SPAG16: variants seen among roughly 807,000 people sequenced by gnomAD.
SPAG16 encodes the protein sperm-associated antigen 16 protein.
In SPAG16, 86 loss-of-function variants were observed where a neutral mutation model predicts 80.4. The observed-to-expected ratio is 1.07, with a 90% confidence interval of 0.90 to 1.28. The LOEUF is 1.28. Among genes scored for constraint, SPAG16 ranks in the 50% most tolerant of loss-of-function variants. The pLI is 0.00. For missense variants in SPAG16, 870 were observed against 765.3 expected (o/e 1.14, Z -1.61); for synonymous variants, 294 against 265.9 (o/e 1.11, Z -1.03).
At chr2:214,244,630 A>C (rs1006395699) in intron 15 of SPAG16, among the ~76,000 whole-genome samples, 1 of 152,092 alleles carries the variant, frequency 6.6e-6, no homozygotes, top group Non-Finnish European at 1.5e-5. Context: ...TTTGGAATGT[A>C]ATTAAAATTA....
chr2:213,328,659 A>G (rs1057302453), intron 5 of SPAG16, among the ~76,000 whole-genome samples: 1 of 152,026 alleles, frequency 6.6e-6, no homozygotes, highest in African/African-American at 2.4e-5. Context: ...AGGAATGAGG[A>G]CTTTTCCTGT....
rs541877564 is a variant in SPAG16 at position 213,903,511 on chromosome 2, G to A, written c.1215-26449G>A. 1.7e-4 allele frequency among the ~76,000 whole-genome samples: 26 copies of A among 152,254 alleles called. 2 individuals carry two copies. The highest frequency in any genetic ancestry group is 6.0e-4 in the African/African-American group (25 of 41,552). ...GCAGCTGGAACAGCTGGGATGCAGG[G>A]CACCGAGTCCCTAGACTGCAAACAG... On this transcript the variant is annotated intron_variant, in intron 11 of 15. Coordinates refer to ENST00000331683, the MANE Select transcript of SPAG16 (RefSeq NM_024532.5).
intron 15 of SPAG16, among the ~76,000 whole-genome samples, chr2:214,168,736 C>T (rs62197912): frequency 0.24 from 36,391 of 151,900 alleles, 4,881 homozygotes; most frequent in South Asian, 0.32. Flanking sequence ...CAGAGGTCCA[C>T]GTGATTAGAG....
At chr2:214,291,300 C>CTTTTTTTTTTTTTTTTTTTTTTT (rs56771172) in intron 15 of SPAG16, among the ~76,000 whole-genome samples, 1 of 80,484 alleles carries the variant, frequency 1.2e-5, no homozygotes, top group Non-Finnish European at 2.1e-5. Context: ...GATCATGTTT[C>CTTTTTTTTTTTTTTTTTTTTTTT]TTTTTTTTTT....
chr2:214,132,771 A>G (rs1200819107), intron 14 of SPAG16, among the ~76,000 whole-genome samples: 5 of 152,188 alleles, frequency 3.3e-5, no homozygotes, highest in African/African-American at 9.7e-5. Context: ...AGGCAGGTCA[A>G]ATTTACATTT....
chr2:214,292,448 G>T (rs867449127), intron 15 of SPAG16, among the ~76,000 whole-genome samples: 4 of 151,810 alleles, frequency 2.6e-5, no homozygotes, highest in Admixed American at 6.6e-5. Flanking sequence ...GTTTATTATT[G>T]AAGCTTTCAG....
chr2:214,300,112 G>A (rs1694442202), intron 15 of SPAG16, among the ~76,000 whole-genome samples: 1 of 152,020 alleles, frequency 6.6e-6, no homozygotes, highest in Non-Finnish European at 1.5e-5. Flanking sequence ...TTGAACTTAT[G>A]TAAATAATTA....
chr2:213,839,683 C>A (rs1389212133), intron 10 of SPAG16, among the ~76,000 whole-genome samples: 1 of 152,070 alleles, frequency 6.6e-6, no homozygotes, highest in African/African-American at 2.4e-5. Context: ...TGGAATGTGA[C>A]ATTATTGTTG....
chr2:213,895,611 G>A (rs2076963408), intron 11 of SPAG16, among the ~76,000 whole-genome samples: 1 of 152,090 alleles, frequency 6.6e-6, no homozygotes, highest in African/African-American at 2.4e-5. Context: ...CCGTGCATTT[G>A]CATCCAACTC....
Position 213,900,365 on chromosome 2 carries a change from G to A in SPAG16, c.1215-29595G>A, listed in dbSNP as rs141556804. ...CTCGAGAATCATTTACCAATATCTC[G>A]GAACGACTGTGATTATACAAAACAC... is the stretch of plus-strand genomic sequence containing the variant. On this transcript the variant is annotated intron_variant, in intron 11 of 15. Coordinates refer to ENST00000331683, the MANE Select transcript of SPAG16 (RefSeq NM_024532.5). Among the ~76,000 whole-genome samples the A allele has an allele frequency of 4.7e-3, 708 of 152,068 alleles. 5 individuals are homozygous for A. Among genetic ancestry groups the A allele is most frequent in the African/African-American group, 0.016 (669 of 41,492 alleles).
intron 10 of SPAG16, among the ~76,000 whole-genome samples, chr2:213,521,131 C>T (rs1393533152): frequency 6.6e-6 from 1 of 152,132 alleles, no homozygotes; most frequent in Non-Finnish European, 1.5e-5. Flanking sequence ...GTGTTGATGG[C>T]ATCTTTTCAG....
At chr2:213,605,026 TC>T (rs1192949856) in intron 10 of SPAG16, among the ~76,000 whole-genome samples, 5 of 151,158 alleles carry the variant, frequency 3.3e-5, no homozygotes, top group African/African-American at 9.7e-5. Context: ...AAATCTCTTT[TC>T]CTTTCTCTCT....
intron 13 of SPAG16, among the ~76,000 whole-genome samples, chr2:214,022,584 A>G (rs1348932197): frequency 1.3e-5 from 2 of 152,068 alleles, no homozygotes; most frequent in African/African-American, 2.4e-5. Context: ...TTGTTTAGTT[A>G]TATTTTGCTC....
At position 213,350,516 on chromosome 2, in the gene SPAG16, T is replaced by C; in HGVS notation, c.645-12T>C. 1 of 1,475,078 alleles carries C rather than the reference T, an allele frequency of 6.8e-7. No individual in the cohort carries two copies. Among genetic ancestry groups the C allele is most frequent in the East Asian group, 2.3e-5 (1 of 42,576 alleles). 91.4% of individuals were successfully genotyped at this position (1,475,078 alleles called of 1,614,324 possible). On this transcript the variant is annotated splice_polypyrimidine_tract_variant and intron_variant, in intron 6 of 15. Coordinates refer to ENST00000331683, the MANE Select transcript of SPAG16 (RefSeq NM_024532.5). ...TAACCCCTTAAGATGCTATTGACTT[T>C]ATTTTTTATAGGTTGAAGTTACATT...
chr2:213,422,771 G>T (rs2069676615), intron 9 of SPAG16, among the ~76,000 whole-genome samples: 1 of 152,194 alleles, frequency 6.6e-6, no homozygotes, highest in African/African-American at 2.4e-5. Flanking sequence ...GGAATTAATG[G>T]TTCCTCTAGA....
intron 11 of SPAG16, among the ~76,000 whole-genome samples, chr2:213,918,285 A>T (rs1327596768): frequency 2.6e-5 from 4 of 152,168 alleles, no homozygotes; most frequent in African/African-American, 7.2e-5. Context: ...GGCCTCATAA[A>T]ATGAGTTGAG....
chr2:214,113,200 T>C (rs927372121), intron 14 of SPAG16, among the ~76,000 whole-genome samples: 5 of 152,246 alleles, frequency 3.3e-5, no homozygotes, highest in Non-Finnish European at 5.9e-5. Flanking sequence ...GTTAGTCTGA[T>C]GGGCTTCCCT....
intron 1 of SPAG16, 123 bp downstream of exon 1, chr2:213,284,742 G>A: frequency 7.4e-7 from 1 of 1,351,166 alleles, no homozygotes; most frequent in South Asian, 1.5e-5. Flanking sequence ...AGCCTCTGTT[G>A]GACTTCAAGG....
intron 12 of SPAG16, among the ~76,000 whole-genome samples, chr2:213,948,036 T>G (rs2079549626): frequency 6.6e-6 from 1 of 152,140 alleles, no homozygotes; most frequent in South Asian, 2.1e-4. Flanking sequence ...CTGCACTTTT[T>G]TAAAATTTTT....
Sources: allele counts gnomAD v4.1 joint callset (sites outside exome capture counted in the v4.1 genomes callset), GRCh38; gene constraint gnomAD v4.1.1; transcripts MANE v1.5; gene names NCBI Gene and HGNC (gene_info 2026-07-23, HGNC 2026-07-21).